Variants in PCP4 observed in about 807,000 individuals in gnomAD.
PCP4 encodes the protein Purkinje cell protein 4, also known as calmodulin regulator protein PCP4.
A neutral mutation model predicts 10.0 loss-of-function variants in PCP4; 8 were observed. The ratio of observed to expected loss-of-function variants is 0.80; its 90% confidence interval spans 0.47 to 1.45. The LOEUF is 1.45. Among genes scored for constraint, PCP4 ranks in the 40% most tolerant of loss-of-function variants. PCP4 has a pLI of 0.00. For synonymous variants in PCP4, 21 were observed against 23.0 expected (o/e 0.91, Z 0.24); for missense variants, 54 against 74.4 (o/e 0.73, Z 1.01).
At chr21:39,903,880 A>AAC (rs1555849177) in intron 2 of PCP4, among the ~76,000 whole-genome samples, 4 of 143,286 alleles carry the variant, frequency 2.8e-5, no homozygotes, top group Admixed American at 1.4e-4. Flanking sequence ...AAAAAACAAA[A>AAC]AAAAAAAAAA....
rs529916551 is a variant in PCP4 at position 39,920,256 on chromosome 21, TGTG to T, written c.62-8724_62-8722del. On this transcript the variant is annotated intron_variant, in intron 2 of 2. Transcript: ENST00000328619. ...GTGTGTTTGTGTGATATGTGTTTGGTGTGGTGTGTGTGTGTGGTGTAGTGTGTG... is the reference window on the plus strand; with the variant it reads ...GTGTGTTTGTGTGATATGTGTTTGGTGTGTGTGTGTGTGGTGTAGTGTGTG... 1.7e-3 allele frequency among the ~76,000 whole-genome samples: 219 copies of T among 130,668 alleles called. 3 individuals carry two copies. In the South Asian group the frequency reaches 0.032, roughly 19 times the overall value. The allele number at this position is 130,668 out of a possible 152,430, so 85.7% of individuals were successfully genotyped here. A position where few individuals can be genotyped will look rare whatever the true frequency, so the allele number is the denominator to read the frequency against.
intron 2 of PCP4, among the ~76,000 whole-genome samples, chr21:39,916,929 C>T (rs114584790): frequency 0.016 from 2,495 of 152,210 alleles, 66 homozygotes; most frequent in African/African-American, 0.051. Flanking sequence ...GAGAACAATA[C>T]ACACTGGGGC....
At chr21:39,899,545 A>T (rs1159328751) in intron 2 of PCP4, among the ~76,000 whole-genome samples, 4 of 152,146 alleles carry the variant, frequency 2.6e-5, no homozygotes, top group African/African-American at 9.7e-5. Flanking sequence ...CAGCCTGCCA[A>T]TATGCCCACC....
chr21:39,887,598 G>T (rs2087406690), intron 1 of PCP4, among the ~76,000 whole-genome samples: 1 of 152,104 alleles, frequency 6.6e-6, no homozygotes, highest in African/African-American at 2.4e-5. Context: ...TTGATGATAG[G>T]TCTTCAATGT....
At chr21:39,882,857 C>T (rs970952619) in intron 1 of PCP4, among the ~76,000 whole-genome samples, 5 of 152,216 alleles carry the variant, frequency 3.3e-5, no homozygotes, top group Non-Finnish European at 7.3e-5. Context: ...GCCATAACTT[C>T]TAGGGATGGG....
At chr21:39,920,973 T>C (rs1326811410) in intron 2 of PCP4, among the ~76,000 whole-genome samples, 1 of 152,212 alleles carries the variant, frequency 6.6e-6, no homozygotes, top group Non-Finnish European at 1.5e-5. Context: ...CCTGCTTTGC[T>C]CTTTGAATCT....
chr21:39,891,716 C>G (rs887011673), intron 1 of PCP4, among the ~76,000 whole-genome samples: 1 of 152,192 alleles, frequency 6.6e-6, no homozygotes, highest in African/African-American at 2.4e-5. Context: ...AAGTGATTGA[C>G]AAGGTGAAGC....
chr21:39,919,727 GTGTA>G (rs1215186293), intron 2 of PCP4, among the ~76,000 whole-genome samples: 3 of 151,574 alleles, frequency 2.0e-5, no homozygotes, highest in African/African-American at 2.4e-5. Context: ...TGTGTGTGGT[GTGTA>G]TGTATGTGTA....
chr21:39,898,187 A>G lies in PCP4; in HGVS notation c.10-289A>G, dbSNP rs560516137. On this transcript the variant is annotated intron_variant, in intron 1 of 2. Transcript: ENST00000328619. ...ATACAGAACCTTGGCTGTTGCCTTC[A>G]TATTTTCATTGAAGTTGTGCTTGAT... Among the ~76,000 whole-genome samples the G allele has an allele frequency of 3.3e-5, 5 of 152,234 alleles. No homozygotes were observed. In the East Asian group the frequency reaches 9.6e-4, roughly 29 times the overall value.
intron 1 of PCP4, among the ~76,000 whole-genome samples, chr21:39,897,469 A>AAAAT (rs1417953199): frequency 2.0e-5 from 3 of 152,116 alleles, no homozygotes; most frequent in African/African-American, 4.8e-5. Context: ...TAACAACCAA[A>AAAAT]AAATGGGATT....
At chr21:39,867,571 G>T in intron 1 of PCP4, 61 bp downstream of exon 1, 1 of 1,532,950 alleles carries the variant, frequency 6.5e-7, no homozygotes, top group Non-Finnish European at 9.0e-7. Flanking sequence ...TCGGCTGAAG[G>T]ATTAGTCTCA....
At chr21:39,893,149 G>C (rs922697940) in intron 1 of PCP4, among the ~76,000 whole-genome samples, 2 of 152,056 alleles carry the variant, frequency 1.3e-5, no homozygotes, top group African/African-American at 4.8e-5. Flanking sequence ...TTCACTTCTG[G>C]CACTGCCTTC....
At chr21:39,899,991 A>C (rs2087475098) in intron 2 of PCP4, among the ~76,000 whole-genome samples, 1 of 152,138 alleles carries the variant, frequency 6.6e-6, no homozygotes, top group African/African-American at 2.4e-5. Flanking sequence ...TTAGAATTAG[A>C]GTTTTACAGT....
At chr21:39,889,655 A>G (rs537266948) in intron 1 of PCP4, among the ~76,000 whole-genome samples, 2 of 152,088 alleles carry the variant, frequency 1.3e-5, no homozygotes, top group African/African-American at 4.8e-5. Flanking sequence ...TGACCTCGTG[A>G]TCTGCCTGCC....
intron 2 of PCP4, among the ~76,000 whole-genome samples, chr21:39,903,674 C>T (rs888107569): frequency 6.6e-6 from 1 of 151,926 alleles, no homozygotes; most frequent in Non-Finnish European, 1.5e-5. Context: ...CGAGACCATC[C>T]TGGCTAACAC....
Position 39,875,469 on chromosome 21 carries a change from A to G in PCP4, c.9+7959A>G, listed in dbSNP as rs541544638. ...CTTCCTTTACAGATCATAACTCTGC[A>G]TCTTCCAGAGAGTTTTAGGTGGAAA... On this transcript the variant is annotated intron_variant, in intron 1 of 2. Coordinates refer to ENST00000328619, the MANE Select transcript of PCP4 (RefSeq NM_006198.3). Among the ~76,000 whole-genome samples, 5 of 152,306 alleles carry G rather than the reference A, an allele frequency of 3.3e-5. 1 individual carries two copies. The highest frequency in any genetic ancestry group is 1.2e-4 in the African/African-American group (5 of 41,564).
intron 1 of PCP4, among the ~76,000 whole-genome samples, chr21:39,889,172 T>A (rs554642622): frequency 6.6e-6 from 1 of 152,232 alleles, no homozygotes; most frequent in South Asian, 2.1e-4. Flanking sequence ...TTTCTAGTGT[T>A]GCCAAAGCCA....
intron 1 of PCP4, among the ~76,000 whole-genome samples, chr21:39,890,281 C>A (rs2087423378): frequency 6.6e-6 from 1 of 152,206 alleles, no homozygotes; most frequent in Non-Finnish European, 1.5e-5. Context: ...TGGATTGAGC[C>A]ACACTGAAGC....
chr21:39,912,863 C>G (rs1015404119), intron 2 of PCP4, among the ~76,000 whole-genome samples: 1 of 152,082 alleles, frequency 6.6e-6, no homozygotes, highest in African/African-American at 2.4e-5. Flanking sequence ...GTGCGGGCCA[C>G]TATAACCAGA....
Sources: allele counts gnomAD v4.1 joint callset (sites outside exome capture counted in the v4.1 genomes callset), GRCh38; gene constraint gnomAD v4.1.1; transcripts MANE v1.5; gene names NCBI Gene and HGNC (gene_info 2026-07-23, HGNC 2026-07-21).